Variants in MAP3K6 observed in about 807,000 individuals in gnomAD.
MAP3K6 encodes mitogen-activated protein kinase kinase kinase 6.
MAP3K6 carries 105 observed loss-of-function variants against 147.1 expected under a neutral mutation model. The ratio of observed to expected loss-of-function variants is 0.71; its 90% confidence interval spans 0.61 to 0.84. The LOEUF (loss-of-function observed/expected upper bound fraction) is 0.84. Among genes scored for constraint, MAP3K6 ranks in the 40% least tolerant of loss-of-function variants. The probability of loss-of-function intolerance (pLI) is 0.00; values close to 1 mark genes in which losing one functional copy is unlikely to be tolerated. For synonymous variants in MAP3K6, 695 were observed against 732.4 expected, an observed-to-expected ratio of 0.95 and a Z score of 0.82; for missense variants, 1,569 against 1,715.0, an observed-to-expected ratio of 0.91 and a Z score of 1.50.
chr1:27,355,391 T>G lies in MAP3K6; in HGVS notation c.3867A>C (p.Ter1289CysextTer?), dbSNP rs1270647500. The change falls in exon 29 of 29, where the codon TGA becomes TGC. Residue 1289 changes from the stop codon to cysteine, a stop_lost. Transcript: ENST00000357582. ...GGCCTATGATGCCCTCATTCAGCTC[T>G]CAGGGTCCAGAGGTGACTGGTGTGG... is the stretch of plus-strand genomic sequence containing the variant. ...AGSTPVTSGP[*>C] The G allele has an allele frequency of 5.0e-6, 8 of 1,613,846 alleles. No individual in the cohort carries two copies. The highest frequency in any genetic ancestry group is 1.7e-5 in the Admixed American group (1 of 60,004).
rs1419594418 is a variant in MAP3K6 at position 27,366,066 on chromosome 1, CG to C, written c.340+191del. ...CCGGATCCCTGTCTCGTCCCGAGCC[CG>C]GCCGCGCCCCAGATCCCCTAAATCC... On this transcript the variant is annotated intron_variant, in intron 1 of 28. Transcript: ENST00000357582. The surrounding 1 kb of genome is among the most constrained non-coding windows in gnomAD (Gnocchi z 5.5). Among the ~76,000 whole-genome samples the C allele has an allele frequency of 5.3e-5, 8 of 152,160 alleles. No homozygotes were observed. The East Asian group carries it at 1.4e-3, about 26-fold the overall frequency.
intron 13 of MAP3K6, 57 bp downstream of exon 13, chr1:27,361,100 C>G: frequency 6.5e-7 from 1 of 1,543,212 alleles, no homozygotes; most frequent in South Asian, 1.2e-5. Context: ...TTCTTTCCCC[C>G]ACTCCCCCCC....
In MAP3K6 at chr1:27,355,690, T is replaced by C; in HGVS notation, c.3767A>G (p.Asp1256Gly). The change falls in exon 28 of 29, where the codon GAC becomes GGC. Residue 1256 changes from aspartate (D) to glycine (G), a missense_variant. Transcript: ENST00000357582. ...HTLLTYATRDDLIYTRIRGGM... is the reference protein window; with the variant it reads ...HTLLTYATRDGLIYTRIRGGM... ...GTACCTGATGCGGGTGTAGATGAGG[T>C]CATCTCGAGTGGCATAGGTGAGCAG... 6.2e-7 allele frequency: 1 copy of C among 1,603,266 alleles called. No homozygotes were observed. The highest frequency in any genetic ancestry group is 8.5e-7 in the Non-Finnish European group (1 of 1,175,178).
At chr1:27,356,830 G>A in intron 24 of MAP3K6, 81 bp from the exon 25 acceptor site, 2 of 1,493,770 alleles carry the variant, frequency 1.3e-6, no homozygotes, top group Non-Finnish European at 9.0e-7. Flanking sequence ...GGGGTAGGGT[G>A]CCCGGCTCTG....
At position 27,366,333 on chromosome 1, in the gene MAP3K6, G is replaced by A. The variant is rs757649927; in HGVS notation, c.265C>T (p.Pro89Ser). 1 of 1,296,316 alleles carries A rather than the reference G, an allele frequency of 7.7e-7. No homozygotes were observed. The highest frequency in any genetic ancestry group is 9.8e-7 in the Non-Finnish European group (1 of 1,023,862). The allele number at this position is 1,296,316 out of a possible 1,614,324, so 80.3% of individuals were successfully genotyped here. A position where few individuals can be genotyped will look rare whatever the true frequency, so the allele number is the denominator to read the frequency against. ...CAQVPRPRPPPQLRSLPFGTL... is the reference protein window; with the variant it reads ...CAQVPRPRPPSQLRSLPFGTL... ...CCGAAGGGCAGGCTGCGCAGCTGCGGGGGCGGCCGCGGCCGGGGGACCTGC... is the reference window on the plus strand; with the variant it reads ...CCGAAGGGCAGGCTGCGCAGCTGCGAGGGCGGCCGCGGCCGGGGGACCTGC... The change falls in exon 1 of 29, where the codon CCG becomes TCG. Residue 89 changes from proline to serine, a missense_variant. Physicochemically the swap from Pro to Ser is moderately conservative, Grantham distance 74. Coordinates refer to ENST00000357582, the MANE Select transcript of MAP3K6 (RefSeq NM_004672.5). This position sits in a 1 kb window ranked among gnomAD's most constrained non-coding sequence, Gnocchi z 5.5.
chr1:27,360,809 C>T lies in MAP3K6; in HGVS notation c.1950G>A (p.Glu650=). 1 of 1,612,908 alleles carries T rather than the reference C, an allele frequency of 6.2e-7. No homozygotes were observed. Among genetic ancestry groups the T allele is most frequent in the South Asian group, 1.1e-5 (1 of 91,090 alleles). The part of the protein sequence containing the change: ...EFDYEYTETG[E]RLVLGKGTYG... ...ACGTGCCCTTGCCCAGCACCAGCCG[C>T]TCGCCCGTCTCCGTGTACTCATAAT... Residue 650 remains glutamate (E), a synonymous_variant, in exon 15 of 29, where the codon GAG becomes GAA. Transcript: ENST00000357582. The surrounding 1 kb of genome is among the most constrained non-coding windows in gnomAD (Gnocchi z 4.5).
At position 27,366,042 on chromosome 1, in the gene MAP3K6, C is replaced by G. The variant is rs1482618399; in HGVS notation, c.340+216G>C. Among the ~76,000 whole-genome samples, 2 of 152,144 alleles carry G rather than the reference C, an allele frequency of 1.3e-5. No homozygotes were observed. Among genetic ancestry groups the G allele is most frequent in the African/African-American group, 4.8e-5 (2 of 41,498 alleles). On this transcript the variant is annotated intron_variant, in intron 1 of 28. Transcript: ENST00000357582. The surrounding 1 kb of genome is among the most constrained non-coding windows in gnomAD (Gnocchi z 5.5). The stretch of plus-strand genomic sequence containing the variant: ...CAACCTCGAGCCCTAGAGCCGCGCC[C>G]GGATCCCTGTCTCGTCCCGAGCCCG...
In MAP3K6 at chr1:27,361,882, A is replaced by G; in HGVS notation, c.1416-15T>C. ...ACACCAGGTACCTGCATGCAAAGCC[A>G]CATCCTCAGTTCAGCCCAGGCACCA... is the stretch of plus-strand genomic sequence containing the variant. On this transcript the variant is annotated splice_polypyrimidine_tract_variant and intron_variant, in intron 9 of 28. Coordinates refer to ENST00000357582, the MANE Select transcript of MAP3K6 (RefSeq NM_004672.5). 6.5e-7 allele frequency: 1 copy of G among 1,530,324 alleles called. No individual in the cohort carries two copies. The highest frequency in any genetic ancestry group is 1.3e-5 in the South Asian group (1 of 79,302). The allele number at this position is 1,530,324 out of a possible 1,614,324, so 94.8% of individuals were successfully genotyped here. A position where few individuals can be genotyped will look rare whatever the true frequency, so the allele number is the denominator to read the frequency against.
chr1:27,359,298 T>C lies in MAP3K6; in HGVS notation c.2425+119A>G. On this transcript the variant is annotated intron_variant, in intron 18 of 28. Coordinates refer to ENST00000357582, the MANE Select transcript of MAP3K6 (RefSeq NM_004672.5). The surrounding 1 kb of genome is among the most constrained non-coding windows in gnomAD (Gnocchi z 4.4). The stretch of plus-strand genomic sequence containing the variant: ...CCCTGGCCCAATCACTCACCCTGGG[T>C]TTCATTCCCCATTAGGACTCTAACT... 6.9e-7 allele frequency: 1 copy of C among 1,442,132 alleles called. No homozygotes were observed. The highest frequency in any genetic ancestry group is 9.5e-7 in the Non-Finnish European group (1 of 1,053,582). 89.3% of individuals were successfully genotyped at this position (1,442,132 alleles called of 1,614,324 possible).
At position 27,360,114 on chromosome 1, in the gene MAP3K6, A is replaced by T. The variant is rs2015690467; in HGVS notation, c.2183-120T>A. On this transcript the variant is annotated intron_variant, in intron 16 of 28. Transcript: ENST00000357582. This position sits in a 1 kb window ranked among gnomAD's most constrained non-coding sequence, Gnocchi z 4.5. ...ACTCCATCACCCAGCGCCACTCCTC[A>T]GCTAATTCTAGGCTACACCACCCAC... The T allele has an allele frequency of 6.3e-7, 1 of 1,575,374 alleles. No homozygotes were observed. The highest frequency in any genetic ancestry group is 8.7e-7 in the Non-Finnish European group (1 of 1,155,762).
chr1:27,365,759 C>T (rs887298423), intron 1 of MAP3K6, among the ~76,000 whole-genome samples: 7 of 152,114 alleles, frequency 4.6e-5, no homozygotes, highest in Non-Finnish European at 1.0e-4. Flanking sequence ...TCTCCTAGCC[C>T]GATCCTTGGA....
Position 27,357,407 on chromosome 1 carries a change from G to C in MAP3K6, c.3251C>G (p.Pro1084Arg). ...ACCAGAAGGCGCCCTCACCGCATCC[G>C]GGAAGGCAAACAGCGGTCTGTGCAG... ...ALLHRPLFAFPDAVKQILRKR... is the reference protein window; with the variant it reads ...ALLHRPLFAFRDAVKQILRKR... Residue 1084 changes from proline (P) to arginine (R), a missense_variant, in exon 23 of 29, where the codon CCG becomes CGG. Pro to Arg is a moderately radical substitution (Grantham distance 103). Transcript: ENST00000357582. 6.9e-6 allele frequency: 11 copies of C among 1,590,010 alleles called. No homozygotes were observed. The highest frequency in any genetic ancestry group is 8.6e-6 in the Non-Finnish European group (10 of 1,164,078).
rs1305874001 is a variant in MAP3K6 at position 27,360,203 on chromosome 1, C to T, written c.2182+38G>A. 1 of 1,610,150 alleles carries T rather than the reference C, an allele frequency of 6.2e-7. No individual in the cohort carries two copies. Among genetic ancestry groups the T allele is most frequent in the African/African-American group, 1.3e-5 (1 of 74,872 alleles). On this transcript the variant is annotated intron_variant, in intron 16 of 28. Transcript: ENST00000357582. This position sits in a 1 kb window ranked among gnomAD's most constrained non-coding sequence, Gnocchi z 4.5. ...CTGCCTGCCTCGGTCCCATGCTTCA[C>T]ACCTCGGTTTCATTCCCATCCCACA...
chr1:27,358,669 C>T lies in MAP3K6; in HGVS notation c.2583+40G>A, dbSNP rs1365353818. 6.2e-7 allele frequency: 1 copy of T among 1,613,640 alleles called. No homozygotes were observed. The highest frequency in any genetic ancestry group is 8.5e-7 in the Non-Finnish European group (1 of 1,179,954). ...AGAGGTGTCCAAGGCCCAGGCTGGC[C>T]CTATGCCACTTCCATGGGCCAGGCC... On this transcript the variant is annotated intron_variant, in intron 19 of 28. Transcript: ENST00000357582. This position sits in a 1 kb window ranked among gnomAD's most constrained non-coding sequence, Gnocchi z 6.2.
intron 5 of MAP3K6, 111 bp downstream of exon 5, chr1:27,363,806 G>C (rs4075731): frequency 9.3e-7 from 1 of 1,072,196 alleles, no homozygotes; most frequent in Non-Finnish European, 1.3e-6. Context: ...CAGAGACATT[G>C]GATAATTTGC....
At position 27,356,672 on chromosome 1, in the gene MAP3K6, G is replaced by A. The variant is rs192884106; in HGVS notation, c.3442C>T (p.Gln1148Ter). 32 of 1,610,608 alleles carry A rather than the reference G, an allele frequency of 2.0e-5. No homozygotes were observed. In the Admixed American group the frequency reaches 2.4e-4, roughly 12 times the overall value. The change falls in exon 25 of 29, where the codon CAG (glutamine) becomes TAG (stop). Residue 1148 changes from glutamine to a stop codon, truncating the protein, a stop_gained. Transcript: ENST00000357582. LOFTEE classifies it high-confidence loss of function. ...TCGGGCTCCACCGGAAGCGGGCTCT[G>A]CTGGCCTGGGCTCTGCTGGGAGTCC... ...EGDSQQSPGQ[Q>*]SPLPVEPEQG...
chr1:27,364,617 G>A lies in MAP3K6; in HGVS notation c.504+44C>T, dbSNP rs370426918. ...ATTAGTGGAGGTCAGAGGTCATAGC[G>A]GAAGTCAAAGGGCACTTTTGAGTGA... On this transcript the variant is annotated intron_variant, in intron 3 of 28. Transcript: ENST00000357582. The surrounding 1 kb of genome is among the most constrained non-coding windows in gnomAD (Gnocchi z 4.4). 4.5e-5 allele frequency: 73 copies of A among 1,613,760 alleles called. No homozygotes were observed. Among genetic ancestry groups the A allele is most frequent in the Middle Eastern group, 3.3e-4 (2 of 6,084 alleles).
rs2015877917 is a variant in MAP3K6, at chr1:27,363,958, C to CG, written c.822dup (p.Asp275ArgfsTer21). On this transcript the variant is annotated frameshift_variant, in exon 5 of 29. Transcript: ENST00000357582. LOFTEE classifies it high-confidence loss of function. ...GAGAGCAGCAAGTTCATGATGATGT[C>CG]GGGGCTCAGCAGCTCCACGCTGTCC... 6.2e-7 allele frequency: 1 copy of CG among 1,607,876 alleles called. No individual in the cohort carries two copies. Among genetic ancestry groups the CG allele is most frequent in the Admixed American group, 1.7e-5 (1 of 59,834 alleles).
chr1:27,358,648 G>C lies in MAP3K6; in HGVS notation c.2584-37C>G. 6.2e-7 allele frequency: 1 copy of C among 1,613,582 alleles called. No homozygotes were observed. Among genetic ancestry groups the C allele is most frequent in the Non-Finnish European group, 8.5e-7 (1 of 1,179,864 alleles). ...GGGTGAACAAGGGTGACATTCAGAGGTGTCCAAGGCCCAGGCTGGCCCTAT... is the reference window on the plus strand; with the variant it reads ...GGGTGAACAAGGGTGACATTCAGAGCTGTCCAAGGCCCAGGCTGGCCCTAT... On this transcript the variant is annotated intron_variant, in intron 19 of 28. Coordinates refer to ENST00000357582, the MANE Select transcript of MAP3K6 (RefSeq NM_004672.5). This position sits in a 1 kb window ranked among gnomAD's most constrained non-coding sequence, Gnocchi z 6.2.
Sources: gnomAD v4.1 joint callset for allele counts (sites outside exome capture counted in the v4.1 genomes callset) on GRCh38, gnomAD v4.1.1 for gene constraint, Gnocchi (gnomAD v3.1) non-coding constraint, MANE v1.5 for transcripts, NCBI Gene and HGNC (gene_info 2026-07-23, HGNC 2026-07-21) for gene names.